ASH2L: variants seen among roughly 807,000 people sequenced by gnomAD.
The protein encoded by ASH2L is set1/Ash2 histone methyltransferase complex subunit ASH2.
ASH2L carries 30 observed loss-of-function variants against 81.1 expected under a neutral mutation model. The ratio of observed to expected loss-of-function variants is 0.37; its 90% CI spans 0.28 to 0.50. The LOEUF is 0.50. Among genes scored for constraint, ASH2L ranks in the 20% least tolerant of loss-of-function variants. ASH2L has a pLI of 0.95. For synonymous variants in ASH2L, 273 were observed against 279.9 expected, an observed-to-expected ratio of 0.98 and a Z score of 0.24; for missense variants, 559 against 792.1, an observed-to-expected ratio of 0.71 and a Z score of 3.53.
At chr8:38,116,800 T>C in intron 8 of ASH2L, 75 bp downstream of exon 8, 1 of 1,293,438 alleles carries the variant, frequency 7.7e-7, no homozygotes, top group Non-Finnish European at 1.1e-6. Context: ...CTGGCCATTC[T>C]TTGGGTTGAC....
chr8:38,128,058 A>G lies in ASH2L; in HGVS notation c.1166-233A>G, dbSNP rs149322959. ...GGGACTCCATCTCAAAAAAAAAAAGATAATCACATGTAATAAAAACTAAGT... is the reference window on the plus strand; with the variant it reads ...GGGACTCCATCTCAAAAAAAAAAAGGTAATCACATGTAATAAAAACTAAGT... On this transcript the variant is annotated intron_variant, in intron 10 of 15. Transcript: ENST00000343823. 2.9e-3 allele frequency among the ~76,000 whole-genome samples: 430 copies of G among 147,236 alleles called. 2 individuals carry two copies. Among genetic ancestry groups the G allele is most frequent in the Non-Finnish European group, 4.6e-3 (306 of 66,226 alleles).
intron 2 of ASH2L, 147 bp from the exon 3 acceptor site, chr8:38,106,874 T>G: frequency 9.3e-6 from 8 of 856,970 alleles, no homozygotes; most frequent in Non-Finnish European, 1.4e-5. Flanking sequence ...CTCATGCCTG[T>G]AATCCCAGCA....
chr8:38,135,562 T>G, intron 13 of ASH2L, 106 bp from the exon 14 acceptor site: 1 of 723,308 alleles, frequency 1.4e-6, no homozygotes, highest in East Asian at 2.6e-5. Context: ...CTTGGGTGAG[T>G]GACTAGCAGT....
intron 12 of ASH2L, among the ~76,000 whole-genome samples, chr8:38,131,067 T>C (rs1802042089): frequency 1.3e-5 from 2 of 152,228 alleles, no homozygotes; most frequent in Admixed American, 1.3e-4. Context: ...TCTTGTCCTT[T>C]ATGCATGTAT....
At chr8:38,138,783 T>C in intron 14 of ASH2L, 33 bp from the exon 15 acceptor site, 2 of 1,602,772 alleles carry the variant, frequency 1.2e-6, no homozygotes, top group Non-Finnish European at 1.7e-6. Flanking sequence ...TTGTCCATTT[T>C]TTCCATGTCT....
Position 38,105,839 on chromosome 8 carries a change from GCC to G in ASH2L, c.188+104_188+105del. On this transcript the variant is annotated intron_variant, in intron 1 of 15. Coordinates refer to ENST00000343823, the MANE Select transcript of ASH2L (RefSeq NM_004674.5). Reference sequence around the variant, plus strand: ...TGCCGCCCGCCCCCTGCGAACCCAGGCCCCGCCGCCAATGGCTCGCCCTGCCT... The same window carrying G: ...TGCCGCCCGCCCCCTGCGAACCCAGGCCGCCGCCAATGGCTCGCCCTGCCT... The G allele has an allele frequency of 4.2e-6, 6 of 1,445,598 alleles. No homozygotes were observed. In the South Asian group the frequency reaches 8.5e-5, roughly 21 times the overall value. The allele number at this position is 1,445,598 out of a possible 1,614,324, so 89.5% of individuals were successfully genotyped here.
rs769949040 is a variant in ASH2L at position 38,116,662 on chromosome 8, A to G, written c.790A>G (p.Ile264Val). ...TGTATTTTTGCAGGACCTTAGTAAC[A>G]TTGGTCCTGCTTATGACAACCAAAA... The part of the protein sequence containing the change: ...FGLLDQDLSN[I>V]GPAYDNQKQS... Residue 264 changes from isoleucine to valine, a missense_variant, in exon 8 of 16, where the codon ATT becomes GTT. Coordinates refer to ENST00000343823, the MANE Select transcript of ASH2L (RefSeq NM_004674.5). 2.5e-5 allele frequency: 40 copies of G among 1,612,302 alleles called. No individual in the cohort carries two copies. The highest frequency in any genetic ancestry group is 3.4e-5 in the Non-Finnish European group (40 of 1,179,512).
chr8:38,118,671 AGATCTAG>A (rs1811007694), intron 8 of ASH2L, among the ~76,000 whole-genome samples: 1 of 152,228 alleles, frequency 6.6e-6, no homozygotes, highest in South Asian at 2.1e-4. Flanking sequence ...ACCACGATGG[AGATCTAG>A]CAGTACTGGA....
At position 38,105,915 on chromosome 8, in the gene ASH2L, C is replaced by T. The variant is rs1348769446; in HGVS notation, c.188+177C>T. ...CTCAAGCATATCTCGGATAACGCCC[C>T]TTCCGCACCTTTCACGGGCGGTGGG... is the stretch of plus-strand genomic sequence containing the variant. On this transcript the variant is annotated intron_variant, in intron 1 of 15. Coordinates refer to ENST00000343823, the MANE Select transcript of ASH2L (RefSeq NM_004674.5). 26 of 1,481,404 alleles carry T rather than the reference C, an allele frequency of 1.8e-5. No homozygotes were observed. The Middle Eastern group carries it at 5.3e-4, about 30-fold the overall frequency. 91.8% of individuals were successfully genotyped at this position (1,481,404 alleles called of 1,614,324 possible).
chr8:38,106,760 C>T (rs1252905156), intron 2 of ASH2L, among the ~76,000 whole-genome samples: 4 of 151,952 alleles, frequency 2.6e-5, no homozygotes, highest in Admixed American at 2.6e-4. Flanking sequence ...ATTCTCCCGC[C>T]TCAGCCTCCC....
intron 14 of ASH2L, 37 bp downstream of exon 14, chr8:38,135,803 G>C: frequency 6.6e-7 from 1 of 1,504,030 alleles, no homozygotes; most frequent in Non-Finnish European, 9.1e-7. Flanking sequence ...CAAAACTTGA[G>C]GGAAGCAGAT....
intron 12 of ASH2L, among the ~76,000 whole-genome samples, chr8:38,132,465 G>C (rs952592991): frequency 6.6e-6 from 1 of 152,210 alleles, no homozygotes. Context: ...TGGGAAACTA[G>C]GACGGGGAAG....
intron 3 of ASH2L, among the ~76,000 whole-genome samples, chr8:38,108,088 C>A (rs1810531663): frequency 6.6e-6 from 1 of 152,094 alleles, no homozygotes; most frequent in Non-Finnish European, 1.5e-5. Context: ...GCATGAGCCA[C>A]CACACCCAGC....
intron 2 of ASH2L, among the ~76,000 whole-genome samples, 182 bp downstream of exon 2, chr8:38,106,626 G>C (rs1485949401): frequency 1.3e-5 from 2 of 151,020 alleles, no homozygotes; most frequent in African/African-American, 4.9e-5. Context: ...TCCTGCCTCA[G>C]CCTCCCGAGT....
At chr8:38,123,077 A>G (rs1271679800) in intron 10 of ASH2L, among the ~76,000 whole-genome samples, 1 of 129,284 alleles carries the variant, frequency 7.7e-6, no homozygotes, top group Non-Finnish European at 1.6e-5. Flanking sequence ...GTAGTTTCAG[A>G]ATTTCTTTTT....
chr8:38,133,004 T>C (rs1348833707), intron 12 of ASH2L, among the ~76,000 whole-genome samples: 1 of 151,944 alleles, frequency 6.6e-6, no homozygotes, highest in Non-Finnish European at 1.5e-5. Flanking sequence ...GGAGAATCGC[T>C]TGAACCCGGG....
chr8:38,122,949 A>G (rs1028607633), intron 10 of ASH2L, among the ~76,000 whole-genome samples: 4 of 151,042 alleles, frequency 2.6e-5, no homozygotes, highest in African/African-American at 7.3e-5. Context: ...GGGTCTTACT[A>G]TGTTGCCTAG....
intron 14 of ASH2L, chr8:38,137,416 A>G (rs1348905097): frequency 2.6e-5 from 4 of 151,776 alleles, no homozygotes; most frequent in Admixed American, 1.3e-4. Flanking sequence ...GAAAAAAAAA[A>G]GCTGGGCCTG....
chr8:38,130,723 C>T (rs1214512949), intron 12 of ASH2L, among the ~76,000 whole-genome samples: 4 of 152,150 alleles, frequency 2.6e-5, no homozygotes, highest in Non-Finnish European at 4.4e-5. Context: ...CTTAGCCTCC[C>T]GATTAGCTGG....
Sources: gnomAD v4.1 joint callset for allele counts (sites outside exome capture counted in the v4.1 genomes callset) on GRCh38, gnomAD v4.1.1 for gene constraint, MANE v1.5 for transcripts, NCBI Gene and HGNC (gene_info 2026-07-23, HGNC 2026-07-21) for gene names.